Variants in TRPM3 observed in about 807,000 individuals in gnomAD.
TRPM3 encodes the protein transient receptor potential cation channel subfamily M member 3.
In TRPM3, 77 loss-of-function variants were observed where a neutral mutation model predicts 181.2. That is an observed-to-expected ratio of 0.42 (90% confidence interval 0.35 to 0.51). The LOEUF is 0.51. Among genes scored for constraint, TRPM3 ranks in the 20% least tolerant of loss-of-function variants. The pLI, the probability that TRPM3 is intolerant of heterozygous loss-of-function variation, is 0.01. For synonymous variants in TRPM3, 745 were observed against 796.4 expected (o/e 0.94, Z 1.09); for missense variants, 1,759 against 2,196.7 (o/e 0.80, Z 3.98).
chr9:70,810,030 C>T (rs372957348), intron 6 of TRPM3: 3 of 534,588 alleles, frequency 5.6e-6, no homozygotes, highest in Non-Finnish European at 1.2e-5. Context: ...CATATATTCT[C>T]AGGCATAGGA....
chr9:71,182,476 T>G (rs532265437), intron 1 of TRPM3, among the ~76,000 whole-genome samples: 1 of 152,232 alleles, frequency 6.6e-6, no homozygotes, highest in South Asian at 2.1e-4. Context: ...TCTTCCCCCT[T>G]AACTTGGCAG....
chr9:71,391,449 C>T (rs1382262042), intron 1 of TRPM3, among the ~76,000 whole-genome samples: 4 of 151,974 alleles, frequency 2.6e-5, no homozygotes, highest in African/African-American at 7.2e-5. Context: ...CTTTCCTCAA[C>T]AAAATAGTGA....
At chr9:71,445,480 C>CA (rs1361188872) in intron 1 of TRPM3, among the ~76,000 whole-genome samples, 2 of 152,070 alleles carry the variant, frequency 1.3e-5, no homozygotes, top group South Asian at 2.1e-4. Flanking sequence ...AACCTGCTCA[C>CA]AAAAAACATT....
intron 1 of TRPM3, among the ~76,000 whole-genome samples, chr9:70,909,313 T>C (rs1332550822): frequency 6.6e-6 from 1 of 152,216 alleles, no homozygotes; most frequent in Non-Finnish European, 1.5e-5. Flanking sequence ...ACATAGGACC[T>C]TACATTTCTA....
chr9:71,319,935 T>C (rs2089037491), intron 1 of TRPM3, among the ~76,000 whole-genome samples: 1 of 152,104 alleles, frequency 6.6e-6, no homozygotes, highest in Non-Finnish European at 1.5e-5. Flanking sequence ...TAAGAAGACT[T>C]TATATCTTTG....
At chr9:70,644,621 G>A (rs557495317) in intron 9 of TRPM3, among the ~76,000 whole-genome samples, 2 of 152,220 alleles carry the variant, frequency 1.3e-5, no homozygotes, top group South Asian at 2.1e-4. Context: ...GGCAAAAGCT[G>A]GAAGTATTCC....
At chr9:70,673,380 A>G (rs1376142365) in intron 9 of TRPM3, among the ~76,000 whole-genome samples, 3 of 152,068 alleles carry the variant, frequency 2.0e-5, no homozygotes, top group Non-Finnish European at 4.4e-5. Flanking sequence ...TGCAAGTCAG[A>G]AGACACAAGG....
Position 70,761,579 on chromosome 9 carries a change from C to A in TRPM3, c.1272+22G>T, listed in dbSNP as rs1376138608. On this transcript the variant is annotated intron_variant, in intron 8 of 25. Coordinates refer to ENST00000677713, the MANE Select transcript of TRPM3 (RefSeq NM_001366145.2). Reference sequence around the variant, plus strand: ...TGACTGAAAATGTGGAGACAGCTGGCCACCCATGCGGAATTACCTACCAAT... The same window carrying A: ...TGACTGAAAATGTGGAGACAGCTGGACACCCATGCGGAATTACCTACCAAT... 2.5e-6 allele frequency: 4 copies of A among 1,613,768 alleles called. No individual in the cohort carries two copies. The Admixed American group carries it at 6.7e-5, about 27-fold the overall frequency.
chr9:71,249,735 C>T (rs903510031), intron 1 of TRPM3, among the ~76,000 whole-genome samples: 2 of 152,168 alleles, frequency 1.3e-5, no homozygotes, highest in Non-Finnish European at 1.5e-5. Context: ...AAGACCTTCT[C>T]TTTAGTACAC....
At chr9:71,205,245 TAATA>T (rs1267688473) in intron 1 of TRPM3, among the ~76,000 whole-genome samples, 5 of 76,780 alleles carry the variant, frequency 6.5e-5, no homozygotes, top group Admixed American at 5.7e-4. Context: ...GCAAATCAAA[TAATA>T]AAAAAAAATT....
At chr9:70,776,756 A>G (rs1469927243) in intron 7 of TRPM3, among the ~76,000 whole-genome samples, 2 of 152,194 alleles carry the variant, frequency 1.3e-5, no homozygotes, top group Non-Finnish European at 2.9e-5. Context: ...ATTTGGCAGA[A>G]GGTACAGAGG....
At chr9:71,260,566 T>A (rs1156843858) in intron 1 of TRPM3, among the ~76,000 whole-genome samples, 1 of 152,206 alleles carries the variant, frequency 6.6e-6, no homozygotes, top group Non-Finnish European at 1.5e-5. Context: ...TGAGCAGTGG[T>A]CTGTAGTTCT....
chr9:70,629,376 C>A (rs183703335), intron 12 of TRPM3, among the ~76,000 whole-genome samples: 1 of 152,068 alleles, frequency 6.6e-6, no homozygotes, highest in Non-Finnish European at 1.5e-5. Context: ...ACTCTTGTCG[C>A]CCAGGCTGGA....
At chr9:70,562,957 T>C (rs1043252586) in intron 22 of TRPM3, among the ~76,000 whole-genome samples, 3 of 152,230 alleles carry the variant, frequency 2.0e-5, no homozygotes, top group African/African-American at 7.2e-5. Flanking sequence ...TGCTTTGTCA[T>C]GTGATGTTAG....
At chr9:71,184,631 C>G (rs574806474) in intron 1 of TRPM3, among the ~76,000 whole-genome samples, 5 of 152,202 alleles carry the variant, frequency 3.3e-5, no homozygotes, top group Admixed American at 2.6e-4. Flanking sequence ...AAGTGTTAAC[C>G]TAGAACTAGC....
chr9:71,214,076 A>G (rs1024757676), intron 1 of TRPM3, among the ~76,000 whole-genome samples: 16 of 152,180 alleles, frequency 1.1e-4, no homozygotes, highest in African/African-American at 3.1e-4. Flanking sequence ...CACTGTCTCA[A>G]AACTCCTTAT....
chr9:70,921,945 AC>A (rs1478204249), intron 1 of TRPM3, among the ~76,000 whole-genome samples: 95 of 127,762 alleles, frequency 7.4e-4, no homozygotes, highest in South Asian at 2.7e-3. Context: ...ACAAACAAAC[AC>A]ACACACACAC....
intron 1 of TRPM3, among the ~76,000 whole-genome samples, chr9:70,901,444 C>CT (rs970206848): frequency 1.1e-3 from 160 of 146,302 alleles, no homozygotes; most frequent in Middle Eastern, 3.5e-3. Context: ...TAACAGTTAA[C>CT]TTTTTTTTTT....
intron 6 of TRPM3, among the ~76,000 whole-genome samples, chr9:70,786,311 C>CAAAAAAAAAAAAAA (rs71367227): frequency 0.028 from 1,523 of 54,276 alleles, 85 homozygotes; most frequent in Non-Finnish European, 0.037. Flanking sequence ...CTAAAAATAC[C>CAAAAAAAAAAAAAA]AAAAAAAAAA....
Sources: allele counts gnomAD v4.1 joint callset (sites outside exome capture counted in the v4.1 genomes callset), GRCh38; gene constraint gnomAD v4.1.1; transcripts MANE v1.5; gene names NCBI Gene and HGNC (gene_info 2026-07-23, HGNC 2026-07-21).